KAT6B: variants seen among roughly 807,000 people sequenced by gnomAD.
KAT6B encodes the protein histone acetyltransferase KAT6B.
A neutral mutation model predicts 187.5 loss-of-function variants in KAT6B; 10 were observed. The ratio of observed to expected loss-of-function variants is 0.05; its 90% confidence interval spans 0.03 to 0.09. KAT6B has a LOEUF of 0.09. Ranked by LOEUF, KAT6B falls within the 10% of genes least tolerant of loss-of-function variation. The probability of loss-of-function intolerance (pLI) is 1.00; values close to 1 mark genes in which losing one functional copy is unlikely to be tolerated. For missense variants in KAT6B, 1,952 were observed against 2,558.9 expected, an observed-to-expected ratio of 0.76 and a Z score of 5.12; for synonymous variants, 861 against 926.8, an observed-to-expected ratio of 0.93 and a Z score of 1.29.
rs111664340 is a variant in KAT6B, at chr10:74,923,132, G to A, written c.622-36838G>A. Reference sequence around the variant, plus strand: ...TTGGGTGTGGGCTCAGGATAAGTTAGTTTGAAATAGATCTTAGAGAAGTAA... The same window carrying A: ...TTGGGTGTGGGCTCAGGATAAGTTAATTTGAAATAGATCTTAGAGAAGTAA... On this transcript the variant is annotated intron_variant, in intron 3 of 17. Coordinates refer to ENST00000287239, the MANE Select transcript of KAT6B (RefSeq NM_012330.4). 2.8e-3 allele frequency among the ~76,000 whole-genome samples: 427 copies of A among 152,294 alleles called. 1 individual carries two copies. The highest frequency in any genetic ancestry group is 1.0e-2 in the African/African-American group (414 of 41,566).
At chr10:74,939,601 A>T (rs1849519151) in intron 3 of KAT6B, among the ~76,000 whole-genome samples, 1 of 152,050 alleles carries the variant, frequency 6.6e-6, no homozygotes, top group Non-Finnish European at 1.5e-5. Context: ...GGGTCTCACC[A>T]TATTGGCCAG....
At chr10:74,911,841 T>A (rs144401929) in intron 3 of KAT6B, among the ~76,000 whole-genome samples, 35 of 152,248 alleles carry the variant, frequency 2.3e-4, no homozygotes, top group Admixed American at 5.2e-4. Flanking sequence ...TTATTATTAT[T>A]TTTTAAGAAA....
chr10:74,841,060 A>G (rs984666980), intron 2 of KAT6B, among the ~76,000 whole-genome samples: 2 of 152,258 alleles, frequency 1.3e-5, no homozygotes, highest in African/African-American at 4.8e-5. Flanking sequence ...TATATATTGA[A>G]TATTAGATAA....
chr10:75,016,549 C>T (rs1457681096), intron 13 of KAT6B, among the ~76,000 whole-genome samples: 2 of 152,206 alleles, frequency 1.3e-5, no homozygotes, highest in African/African-American at 2.4e-5. Flanking sequence ...TGGGCTACCC[C>T]GTTTTCAATT....
intron 16 of KAT6B, 140 bp from the exon 17 acceptor site, chr10:75,024,818 G>A: frequency 2.6e-6 from 2 of 766,314 alleles, no homozygotes; most frequent in Non-Finnish European, 4.5e-6. Flanking sequence ...ACATCAAATG[G>A]AAGGTTAAGT....
chr10:74,945,774 C>T (rs561223633), intron 3 of KAT6B, among the ~76,000 whole-genome samples: 2 of 152,220 alleles, frequency 1.3e-5, no homozygotes, highest in East Asian at 1.9e-4. Context: ...TAAAAGGTTG[C>T]GTGTTTTTGC....
At chr10:74,977,494 A>G in intron 9 of KAT6B, 57 bp downstream of exon 9, 1 of 1,589,116 alleles carries the variant, frequency 6.3e-7, no homozygotes, top group Non-Finnish European at 8.6e-7. Context: ...TCTAACTATT[A>G]ATATGGAATT....
intron 5 of KAT6B, 110 bp downstream of exon 5, chr10:74,969,885 C>A: frequency 1.0e-6 from 1 of 980,744 alleles, no homozygotes; most frequent in Non-Finnish European, 1.6e-6. Context: ...TTTAAATACA[C>A]ATGATGTCAA....
At position 75,020,708 on chromosome 10, in the gene KAT6B, A is replaced by G; in HGVS notation, c.2756A>G (p.Glu919Gly). The change falls in exon 14 of 18, where the codon GAG becomes GGG. Residue 919 changes from glutamate to glycine, a missense_variant. Around this residue, in one of 9 missense-constraint regions of KAT6B, gnomAD observed 758 missense variants for 891.4 expected, o/e 0.85. Coordinates refer to ENST00000287239, the MANE Select transcript of KAT6B (RefSeq NM_012330.4). ...TTGGAGTATCTCTACCACCACCATG[A>G]GAGGCACATCAGCATCAAGGCAATT... Reference protein sequence around the residue: ...VILEYLYHHHERHISIKAISR... With the variant: ...VILEYLYHHHGRHISIKAISR... The G allele has an allele frequency of 6.2e-7, 1 of 1,612,982 alleles. No individual in the cohort carries two copies. The highest frequency in any genetic ancestry group is 1.1e-5 in the South Asian group (1 of 91,018).
chr10:74,914,011 C>T, intron 3 of KAT6B, among the ~76,000 whole-genome samples: 1 of 151,986 alleles, frequency 6.6e-6, no homozygotes, highest in East Asian at 1.9e-4. Context: ...CATGGTGAAA[C>T]CCTGTCTCTA....
chr10:74,830,393 A>G (rs1313215025), intron 1 of KAT6B, among the ~76,000 whole-genome samples: 2 of 152,104 alleles, frequency 1.3e-5, no homozygotes. Context: ...TCTCTAAGGT[A>G]TACACCTAGG....
intron 3 of KAT6B, among the ~76,000 whole-genome samples, chr10:74,881,905 C>T (rs1319213749): frequency 6.6e-6 from 1 of 152,188 alleles, no homozygotes. Context: ...GATCCTCCTG[C>T]CTCAGCCTCC....
Position 74,979,271 on chromosome 10 carries a change from T to C in KAT6B, c.2163T>C (p.Ser721=). 1 of 1,614,104 alleles carries C rather than the reference T, an allele frequency of 6.2e-7. No homozygotes were observed. The highest frequency in any genetic ancestry group is 1.1e-5 in the South Asian group (1 of 91,078). ...SGVEDCGRYP[S]VIEFGKYEIQ... is the part of the protein sequence containing the mutation. ...TGGAAGACTGTGGCCGGTACCCTTC[T>C]GTGATTGAATTTGGTAAATATGAAA... is the stretch of plus-strand genomic sequence containing the variant. The change falls in exon 10 of 18, where the codon TCT becomes TCC. Residue 721 remains serine, a synonymous_variant. Transcript: ENST00000287239.
intron 1 of KAT6B, among the ~76,000 whole-genome samples, chr10:74,829,456 G>GTT (rs370039190): frequency 2.9e-4 from 41 of 140,046 alleles, no homozygotes; most frequent in African/African-American, 3.4e-4. Context: ...AAAGGAAATA[G>GTT]TTTTTTTTTT....
At chr10:74,874,941 C>A (rs1844299158) in intron 3 of KAT6B, among the ~76,000 whole-genome samples, 1 of 151,900 alleles carries the variant, frequency 6.6e-6, no homozygotes, top group East Asian at 1.9e-4. Flanking sequence ...TACTCCCTAC[C>A]CCTACACATG....
At chr10:74,902,347 C>T (rs1846463528) in intron 3 of KAT6B, among the ~76,000 whole-genome samples, 1 of 152,070 alleles carries the variant, frequency 6.6e-6, no homozygotes, top group Non-Finnish European at 1.5e-5. Context: ...CCATGCTTTC[C>T]AAAGCAGGGG....
At chr10:75,014,263 C>G (rs1844822851) in intron 13 of KAT6B, among the ~76,000 whole-genome samples, 1 of 151,994 alleles carries the variant, frequency 6.6e-6, no homozygotes, top group Non-Finnish European at 1.5e-5. Flanking sequence ...TCGCTTGAGC[C>G]TGAGAGTTTG....
intron 3 of KAT6B, among the ~76,000 whole-genome samples, chr10:74,894,390 AT>A (rs1845847554): frequency 6.6e-6 from 1 of 152,060 alleles, no homozygotes; most frequent in Non-Finnish European, 1.5e-5. Context: ...CCATGTTGTT[AT>A]TTTTGGTTTG....
chr10:74,900,616 T>C (rs1846312588), intron 3 of KAT6B, among the ~76,000 whole-genome samples: 1 of 152,164 alleles, frequency 6.6e-6, no homozygotes, highest in East Asian at 1.9e-4. Context: ...GTTTGAAGAG[T>C]GTGCTCACTC....
Sources: gnomAD v4.1 joint callset for allele counts (sites outside exome capture counted in the v4.1 genomes callset) on GRCh38, gnomAD v4.1.1 for gene constraint, gnomAD v4.1.1 regional missense constraint, MANE v1.5 for transcripts, NCBI Gene and HGNC (gene_info 2026-07-23, HGNC 2026-07-21) for gene names.